PARD3B: variants seen among roughly 807,000 people sequenced by gnomAD.
The protein encoded by PARD3B is partitioning defective 3 homolog B.
In PARD3B, 103 loss-of-function variants were observed where a neutral mutation model predicts 130.2. The ratio of observed to expected loss-of-function variants is 0.79; its 90% CI spans 0.67 to 0.93. The LOEUF (loss-of-function observed/expected upper bound fraction) is 0.93. Ranked by LOEUF, PARD3B falls within the 40% of genes least tolerant of loss-of-function variation. PARD3B has a pLI of 0.00. For synonymous variants in PARD3B, 583 were observed against 553.2 expected, an observed-to-expected ratio of 1.05 and a Z score of -0.76; for missense variants, 1,609 against 1,499.2, an observed-to-expected ratio of 1.07 and a Z score of -1.21.
chr2:204,934,042 G>T (rs1688225033), intron 2 of PARD3B, among the ~76,000 whole-genome samples: 1 of 152,136 alleles, frequency 6.6e-6, no homozygotes, highest in Admixed American at 6.5e-5. Flanking sequence ...AGAAAGGGAG[G>T]CTTAAGTGTA....
intron 22 of PARD3B, among the ~76,000 whole-genome samples, chr2:205,614,665 C>T (rs1464496854): frequency 1.3e-5 from 2 of 151,246 alleles, no homozygotes; most frequent in African/African-American, 4.9e-5. Flanking sequence ...GAGATCGCAC[C>T]ATTGCACTCC....
chr2:205,516,124 T>C (rs1374591342), intron 21 of PARD3B, among the ~76,000 whole-genome samples: 4 of 152,202 alleles, frequency 2.6e-5, no homozygotes, highest in Non-Finnish European at 5.9e-5. Flanking sequence ...CCCTTATTTC[T>C]GGGCTCTCTC....
intron 15 of PARD3B, among the ~76,000 whole-genome samples, chr2:205,198,942 A>G (rs890868563): frequency 3.3e-5 from 5 of 152,044 alleles, no homozygotes; most frequent in African/African-American, 1.2e-4. Flanking sequence ...TAAAAGCTGA[A>G]TTGGATATTA....
At chr2:205,141,250 A>G (rs1464746927) in intron 10 of PARD3B, among the ~76,000 whole-genome samples, 2 of 152,152 alleles carry the variant, frequency 1.3e-5, no homozygotes, top group Admixed American at 6.6e-5. Flanking sequence ...CTTGCTTACA[A>G]ACTGCTTCCC....
At chr2:204,750,700 G>T in intron 2 of PARD3B, among the ~76,000 whole-genome samples, 1 of 152,100 alleles carries the variant, frequency 6.6e-6, no homozygotes, top group Admixed American at 6.6e-5. Context: ...AGTAAAGGGG[G>T]TGGGGCTATA....
chr2:204,555,717 A>G (rs2030875496), intron 1 of PARD3B, among the ~76,000 whole-genome samples: 1 of 152,166 alleles, frequency 6.6e-6, no homozygotes, highest in African/African-American at 2.4e-5. Context: ...TGTCTCAGTC[A>G]CACTGATCGC....
At chr2:204,861,921 T>G (rs2045220177) in intron 2 of PARD3B, among the ~76,000 whole-genome samples, 1 of 79,534 alleles carries the variant, frequency 1.3e-5, no homozygotes, top group African/African-American at 8.1e-5. Flanking sequence ...AGAAGACATT[T>G]CTCAAAAAAA....
chr2:204,602,343 T>C (rs1025830634), intron 1 of PARD3B, among the ~76,000 whole-genome samples: 1 of 152,052 alleles, frequency 6.6e-6, no homozygotes, highest in African/African-American at 2.4e-5. Flanking sequence ...GACCGTCTTT[T>C]AATTTTCAGT....
intron 2 of PARD3B, among the ~76,000 whole-genome samples, chr2:204,784,278 C>T (rs538584882): frequency 6.6e-6 from 1 of 152,286 alleles, no homozygotes; most frequent in African/African-American, 2.4e-5. Context: ...TTCTTATGCT[C>T]TGGCAAACCT....
chr2:204,599,406 T>C (rs1292724878), intron 1 of PARD3B, among the ~76,000 whole-genome samples: 1 of 152,008 alleles, frequency 6.6e-6, no homozygotes, highest in Non-Finnish European at 1.5e-5. Flanking sequence ...ATCACCATTT[T>C]TTAGCTTCCA....
chr2:205,142,990 C>T lies in PARD3B; in HGVS notation c.1435-15732C>T, dbSNP rs1319506640. Among the ~76,000 whole-genome samples, 2 of 151,978 alleles carry T rather than the reference C, an allele frequency of 1.3e-5. No individual in the cohort carries two copies. Among genetic ancestry groups the T allele is most frequent in the African/African-American group, 2.4e-5 (1 of 41,388 alleles). ...GAAAACATAAGTGAAATGGGAGCTG[C>T]GAGAAGGGCATATTGTTCCTGTGCT... On this transcript the variant is annotated intron_variant, in intron 10 of 22. Transcript: ENST00000406610. This position sits in a 1 kb window ranked among gnomAD's most constrained non-coding sequence, Gnocchi z 4.3.
intron 2 of PARD3B, among the ~76,000 whole-genome samples, chr2:204,723,742 A>G (rs2039096835): frequency 6.6e-6 from 1 of 152,122 alleles, no homozygotes. Flanking sequence ...AGGATGATGG[A>G]GTGATAAAGT....
intron 10 of PARD3B, among the ~76,000 whole-genome samples, chr2:205,149,579 T>G (rs928200403): frequency 1.3e-5 from 2 of 152,200 alleles, no homozygotes; most frequent in Non-Finnish European, 2.9e-5. Flanking sequence ...GTCATGAACC[T>G]GTGGATCTAA....
rs748029736 is a variant in PARD3B, at chr2:205,276,266, C to T, written c.2186-24264C>T. On this transcript the variant is annotated intron_variant, in intron 16 of 22. Coordinates refer to ENST00000406610, the MANE Select transcript of PARD3B (RefSeq NM_001302769.2). This position sits in a 1 kb window ranked among gnomAD's most constrained non-coding sequence, Gnocchi z 5.0. ...TGCCATTCCTTCCTTTTGTAGTGAG[C>T]CAGCAGGGCGCCTGGTGCTGACAGC... Among the ~76,000 whole-genome samples the T allele has an allele frequency of 1.1e-4, 17 of 152,180 alleles. No homozygotes were observed. Among genetic ancestry groups the T allele is most frequent in the Non-Finnish European group, 2.4e-4 (16 of 68,038 alleles).
intron 11 of PARD3B, among the ~76,000 whole-genome samples, chr2:205,169,643 A>G (rs960662721): frequency 1.3e-5 from 2 of 152,156 alleles, no homozygotes; most frequent in African/African-American, 4.8e-5. Flanking sequence ...CTGTCGTAGC[A>G]GATGAGGTGT....
Position 205,499,935 on chromosome 2 carries a change from G to T in PARD3B, c.3084G>T (p.Lys1028Asn). ...PTGGSTDRIQKLRKEYYQARR... is the reference protein window; with the variant it reads ...PTGGSTDRIQNLRKEYYQARR... ...GTGGAAGCACTGACCGTATCCAGAA[G>T]TTGCGGAAAGAGTATTATCAGGCTC... The change falls in exon 21 of 23, where the codon AAG becomes AAT. Residue 1028 changes from lysine to asparagine, a missense_variant. By Grantham distance (94) the Lys-to-Asn change is moderately conservative. Coordinates refer to ENST00000406610, the MANE Select transcript of PARD3B (RefSeq NM_001302769.2). The T allele has an allele frequency of 6.2e-7, 1 of 1,613,876 alleles. No homozygotes were observed. The highest frequency in any genetic ancestry group is 2.2e-5 in the East Asian group (1 of 44,876).
At chr2:205,044,571 T>C (rs1698632660) in intron 3 of PARD3B, among the ~76,000 whole-genome samples, 1 of 151,818 alleles carries the variant, frequency 6.6e-6, no homozygotes, top group Non-Finnish European at 1.5e-5. Context: ...GGTGAGCATT[T>C]CTTCATGTGT....
intron 3 of PARD3B, among the ~76,000 whole-genome samples, chr2:205,026,648 G>A (rs1697052076): frequency 6.6e-6 from 1 of 152,100 alleles, no homozygotes; most frequent in South Asian, 2.1e-4. Context: ...TCTTGTAACT[G>A]AAGGTTTATA....
intron 2 of PARD3B, among the ~76,000 whole-genome samples, chr2:204,723,685 A>G (rs927815345): frequency 1.1e-4 from 17 of 152,102 alleles, no homozygotes; most frequent in African/African-American, 3.6e-4. Flanking sequence ...TGAAAAGTGT[A>G]GTGTGATAAG....
Sources: allele counts gnomAD v4.1 joint callset (sites outside exome capture counted in the v4.1 genomes callset), GRCh38; gene constraint gnomAD v4.1.1; non-coding constraint Gnocchi (gnomAD v3.1); transcripts MANE v1.5; gene names NCBI Gene and HGNC (gene_info 2026-07-23, HGNC 2026-07-21).